RPS6KC1: variants seen among roughly 807,000 people sequenced by gnomAD.
RPS6KC1 encodes the protein ribosomal protein S6 kinase C1, also known as inactive ribosomal protein S6 kinase delta-1.
Under a neutral mutation model 103.8 loss-of-function variants are expected in RPS6KC1, and 54 were observed. The observed-to-expected ratio is 0.52, with a 90% CI of 0.42 to 0.65. The LOEUF is 0.65. Ranked by LOEUF, RPS6KC1 falls within the 30% of genes least tolerant of loss-of-function variation. RPS6KC1 has a pLI of 0.00. For missense variants in RPS6KC1, 1,151 were observed against 1,253.8 expected, an observed-to-expected ratio of 0.92 and a Z score of 1.24; for synonymous variants, 439 against 438.7, an observed-to-expected ratio of 1.00 and a Z score of -0.01.
chr1:213,139,102 T>TATAAGCCATTTTAACTGGGCGGGGA (rs1558398779), intron 6 of RPS6KC1, among the ~76,000 whole-genome samples: 1 of 152,196 alleles, frequency 6.6e-6, no homozygotes, highest in Admixed American at 6.6e-5. Flanking sequence ...TCTCTACTGA[T>TATAAGCCATTTTAACTGGGCGGGGA]TAGTTATATT....
the RPS6KC1 span, among the ~76,000 whole-genome samples, chr1:213,294,807 T>G: frequency 6.6e-6 from 1 of 152,188 alleles, no homozygotes; most frequent in Non-Finnish European, 1.5e-5. Context: ...AGAATCTTAC[T>G]TGTTAAAATA....
At chr1:213,661,972 T>C in the RPS6KC1 span, among the ~76,000 whole-genome samples, 2 of 152,198 alleles carry the variant, frequency 1.3e-5, no homozygotes, top group African/African-American at 4.8e-5. Flanking sequence ...AGATAGATTC[T>C]ACTGAATTCC....
At chr1:213,131,870 C>T (rs1451129475) in intron 6 of RPS6KC1, among the ~76,000 whole-genome samples, 1 of 152,208 alleles carries the variant, frequency 6.6e-6, no homozygotes, top group Non-Finnish European at 1.5e-5. Context: ...AAAAAATCTG[C>T]TCTGACATTT....
chr1:213,075,630 C>G (rs924437386), intron 2 of RPS6KC1, among the ~76,000 whole-genome samples: 2 of 152,176 alleles, frequency 1.3e-5, no homozygotes, highest in Non-Finnish European at 2.9e-5. Context: ...CTGCTGCTTC[C>G]TTAGTGTTCA....
intron 7 of RPS6KC1, among the ~76,000 whole-genome samples, chr1:213,172,445 A>G (rs539914713): frequency 1.3e-5 from 2 of 152,034 alleles, no homozygotes; most frequent in Non-Finnish European, 2.9e-5. Context: ...AATACAAAAA[A>G]TAAAAAAATA....
chr1:213,367,647 T>C, the RPS6KC1 span, among the ~76,000 whole-genome samples: 29 of 152,144 alleles, frequency 1.9e-4, no homozygotes, highest in Non-Finnish European at 3.2e-4. Flanking sequence ...ATTGAGAAAG[T>C]CTTGGTGTGA....
At chr1:213,804,953 C>G in the RPS6KC1 span, among the ~76,000 whole-genome samples, 1 of 152,206 alleles carries the variant, frequency 6.6e-6, no homozygotes, top group South Asian at 2.1e-4. Context: ...AATATCGCAA[C>G]AAAGCAAGTC....
chr1:213,328,983 G>C, the RPS6KC1 span, among the ~76,000 whole-genome samples: 1 of 152,084 alleles, frequency 6.6e-6, no homozygotes. Context: ...TACGAGTTCC[G>C]TCTCCTAGCC....
At chr1:213,642,019 A>G in the RPS6KC1 span, among the ~76,000 whole-genome samples, 2 of 151,972 alleles carry the variant, frequency 1.3e-5, no homozygotes, top group African/African-American at 4.8e-5. Flanking sequence ...AGAATGAAGC[A>G]AAAGGAAAGA....
the RPS6KC1 span, among the ~76,000 whole-genome samples, chr1:213,500,077 A>T: frequency 2.5e-4 from 38 of 152,058 alleles, no homozygotes; most frequent in African/African-American, 8.5e-4. Flanking sequence ...TCAATAAATT[A>T]CTCTTACTGT....
At chr1:213,692,590 C>A in the RPS6KC1 span, among the ~76,000 whole-genome samples, 1 of 152,084 alleles carries the variant, frequency 6.6e-6, no homozygotes, top group African/African-American at 2.4e-5. Flanking sequence ...TGCACAGTGG[C>A]CTGCCAGCAC....
the RPS6KC1 span, among the ~76,000 whole-genome samples, chr1:213,661,883 A>G: frequency 6.6e-6 from 1 of 152,212 alleles, no homozygotes; most frequent in South Asian, 2.1e-4. Flanking sequence ...CAACTTGTAA[A>G]ATAGTGGAGA....
chr1:213,143,811 T>A (rs1275573866), intron 6 of RPS6KC1, among the ~76,000 whole-genome samples: 2 of 151,724 alleles, frequency 1.3e-5, no homozygotes, highest in East Asian at 3.9e-4. Flanking sequence ...AAAATCAAGG[T>A]GTGAGCAGCA....
At chr1:213,188,315 G>C (rs558670284) in intron 8 of RPS6KC1, among the ~76,000 whole-genome samples, 1 of 152,116 alleles carries the variant, frequency 6.6e-6, no homozygotes, top group African/African-American at 2.4e-5. Flanking sequence ...GGTGGAGGGA[G>C]GGTGAGATTT....
intron 1 of RPS6KC1, among the ~76,000 whole-genome samples, chr1:213,059,806 G>A (rs182056296): frequency 7.6e-4 from 115 of 152,256 alleles, no homozygotes; most frequent in African/African-American, 2.4e-3. Context: ...CTGAGTAGGT[G>A]AGACTACAGG....
the RPS6KC1 span, among the ~76,000 whole-genome samples, chr1:213,743,943 C>T: frequency 6.6e-6 from 1 of 152,116 alleles, no homozygotes; most frequent in Non-Finnish European, 1.5e-5. Flanking sequence ...GAATACTACT[C>T]AGCCATAAAA....
At chr1:213,223,264 A>T (rs377585005) in intron 8 of RPS6KC1, among the ~76,000 whole-genome samples, 2 of 152,048 alleles carry the variant, frequency 1.3e-5, no homozygotes, top group African/African-American at 4.8e-5. Flanking sequence ...TTGGTTACAC[A>T]GATAAGTTCT....
chr1:213,147,665 C>A (rs563579503), intron 6 of RPS6KC1, among the ~76,000 whole-genome samples: 1 of 152,232 alleles, frequency 6.6e-6, no homozygotes, highest in South Asian at 2.1e-4. Flanking sequence ...CTTAGGATCA[C>A]TTTGGCTATT....
the RPS6KC1 span, among the ~76,000 whole-genome samples, chr1:213,578,463 C>T: frequency 2.0e-5 from 3 of 152,172 alleles, no homozygotes; most frequent in Non-Finnish European, 4.4e-5. Context: ...TTGAACTGTG[C>T]ACCTGGAAAA....
Sources: gnomAD v4.1 joint callset for allele counts (sites outside exome capture counted in the v4.1 genomes callset) on GRCh38, gnomAD v4.1.1 for gene constraint, MANE v1.5 for transcripts, NCBI Gene and HGNC (gene_info 2026-07-23, HGNC 2026-07-21) for gene names.